Variants in CHN2 observed in about 807,000 individuals in gnomAD.
CHN2 encodes the protein beta-chimaerin.
In CHN2, 35 loss-of-function variants were observed where a neutral mutation model predicts 56.3. The ratio of observed to expected loss-of-function variants is 0.62; its 90% CI spans 0.47 to 0.82. The LOEUF is 0.82. Ranked by LOEUF, CHN2 falls within the 40% of genes least tolerant of loss-of-function variation. CHN2 has a pLI of 0.00. For synonymous variants in CHN2, 210 were observed against 212.8 expected, an observed-to-expected ratio of 0.99 and a Z score of 0.12; for missense variants, 491 against 580.5, an observed-to-expected ratio of 0.85 and a Z score of 1.58.
chr7:29,264,855 C>A (rs1194447954), intron 1 of CHN2, among the ~76,000 whole-genome samples: 10 of 138,146 alleles, frequency 7.2e-5, no homozygotes, highest in Admixed American at 7.0e-5. Context: ...TTAAAAAAGT[C>A]AATTGACTGT....
chr7:29,281,191 A>G (rs573257245), intron 1 of CHN2, among the ~76,000 whole-genome samples: 1 of 152,190 alleles, frequency 6.6e-6, no homozygotes, highest in Admixed American at 6.5e-5. Flanking sequence ...CAGAGATACC[A>G]TTTTCTTGTG....
At chr7:29,174,876 A>G (rs1283336772) in intron 2 of CHN2, among the ~76,000 whole-genome samples, 2 of 151,818 alleles carry the variant, frequency 1.3e-5, no homozygotes, top group Non-Finnish European at 2.9e-5. Flanking sequence ...AAAAAAAAAA[A>G]GAATTTTTAG....
At chr7:29,149,812 C>G (rs1793343366) in intron 2 of CHN2, among the ~76,000 whole-genome samples, 1 of 152,162 alleles carries the variant, frequency 6.6e-6, no homozygotes, top group Non-Finnish European at 1.5e-5. Context: ...CTCTCTGTGT[C>G]TTTTCACAGT....
rs145848133 is a variant in CHN2 at position 29,369,155 on chromosome 7, T to C, written c.144+1168T>C. ...AATGAGATGCACTAAATAAGGGTGT[T>C]CTCAGTGTGAATTAAGACACAAGTT... On this transcript the variant is annotated intron_variant, in intron 3 of 12. Transcript: ENST00000222792. 1.6e-3 allele frequency among the ~76,000 whole-genome samples: 243 copies of C among 152,312 alleles called. 1 individual carries two copies. Among genetic ancestry groups the C allele is most frequent in the African/African-American group, 5.7e-3 (237 of 41,566 alleles).
chr7:29,178,901 A>G lies in CHN2; in HGVS notation c.274+31941A>G, dbSNP rs538440768. Among the ~76,000 whole-genome samples the G allele has an allele frequency of 2.6e-5, 4 of 152,352 alleles. No homozygotes were observed. The East Asian group carries it at 7.7e-4, about 29-fold the overall frequency. ...AAGGTTAACTACTATGTAAAGAGTT[A>G]TTACAAACTAATAAAAAGAACACTA... On this transcript the variant is annotated intron_variant, in intron 2 of 6. Coordinates refer to the CHN2 transcript ENST00000439384.
intron 7 of CHN2, among the ~76,000 whole-genome samples, chr7:29,490,594 A>G (rs1052091333): frequency 3.9e-5 from 6 of 152,214 alleles, no homozygotes; most frequent in African/African-American, 1.4e-4. Flanking sequence ...GGTGGAAATA[A>G]GATGAAAATA....
intron 1 of CHN2, among the ~76,000 whole-genome samples, chr7:29,311,978 T>C (rs1044114007): frequency 2.6e-5 from 4 of 152,196 alleles, no homozygotes; most frequent in African/African-American, 9.7e-5. Flanking sequence ...TTAGATGACA[T>C]TTTTACTCCT....
intron 9 of CHN2, among the ~76,000 whole-genome samples, chr7:29,501,027 A>T (rs969704577): frequency 6.6e-6 from 1 of 152,200 alleles, no homozygotes; most frequent in South Asian, 2.1e-4. Context: ...CACTTTTGCC[A>T]TGTATCATAT....
At chr7:29,361,266 T>G (rs1798707722) in intron 2 of CHN2, among the ~76,000 whole-genome samples, 1 of 152,244 alleles carries the variant, frequency 6.6e-6, no homozygotes, top group Non-Finnish European at 1.5e-5. Flanking sequence ...GAGATTTTTT[T>G]CATGGATGCT....
At position 29,509,313 on chromosome 7, in the gene CHN2, C is replaced by T; in HGVS notation, c.1142C>T (p.Ala381Val). ...GTGAACTTCACAGAAATCTCCAATG[C>T]AGATGAGAGGCTGGAAGCCGTCCAT... ...KFIDAAKISN[A>V]DERLEAVHEV... The change falls in exon 12 of 13, where the codon GCA (alanine) becomes GTA (valine). Residue 381 changes from alanine (A) to valine (V), a missense_variant. By Grantham distance (64) the Ala-to-Val change is moderately conservative. Transcript: ENST00000222792. The T allele has an allele frequency of 6.2e-7, 1 of 1,613,540 alleles. No homozygotes were observed. The highest frequency in any genetic ancestry group is 2.2e-5 in the East Asian group (1 of 44,862).
At chr7:29,408,259 G>A (rs1392520349) in intron 6 of CHN2, among the ~76,000 whole-genome samples, 1 of 152,024 alleles carries the variant, frequency 6.6e-6, no homozygotes, top group Non-Finnish European at 1.5e-5. Flanking sequence ...ACCTGCCTAT[G>A]GAATCAAAGT....
intron 2 of CHN2, among the ~76,000 whole-genome samples, chr7:29,158,058 A>G (rs1794662771): frequency 2.0e-5 from 3 of 152,156 alleles, no homozygotes; most frequent in African/African-American, 7.2e-5. Flanking sequence ...AATCAAATAA[A>G]GGAGAAAAAA....
chr7:29,393,709 G>T lies in CHN2; in HGVS notation c.175G>T (p.Glu59Ter), dbSNP rs746225835. ...VENRPKYYGR[E>*]FHGIISREQA... ...AAACAGACCAAAATATTATGGAAGA[G>T]AGTATGTATTATACTATTCTTTGTT... Residue 59 changes from glutamate (E) to a stop codon, truncating the protein, a stop_gained and splice_region_variant, in exon 4 of 13, where the codon GAG becomes TAG. Coordinates refer to ENST00000222792, the MANE Select transcript of CHN2 (RefSeq NM_004067.4). LOFTEE classifies it high-confidence loss of function. 4.6e-6 allele frequency: 4 copies of T among 861,374 alleles called. No homozygotes were observed. The highest frequency in any genetic ancestry group is 5.2e-6 in the Non-Finnish European group (3 of 577,618). 53.4% of individuals were successfully genotyped at this position (861,374 alleles called of 1,614,324 possible).
intron 1 of CHN2, among the ~76,000 whole-genome samples, chr7:29,217,141 G>A (rs1254983365): frequency 2.0e-5 from 3 of 152,210 alleles, no homozygotes; most frequent in African/African-American, 7.2e-5. Context: ...GATTTGACCA[G>A]CTATACTGAC....
chr7:29,472,281 A>ACACACACACACACACACGCACACACACG (rs1786142773), intron 6 of CHN2, among the ~76,000 whole-genome samples: 2 of 143,502 alleles, frequency 1.4e-5, no homozygotes, highest in Non-Finnish European at 1.5e-5. Flanking sequence ...ATACACACAC[A>ACACACACACACACACACGCACACACACG]CACACACACA....
At chr7:29,479,907 A>C (rs1427197309) in intron 6 of CHN2, 15 of 1,426,414 alleles carry the variant, frequency 1.1e-5, no homozygotes, top group Non-Finnish European at 1.2e-5. Context: ...GAAATAGCAC[A>C]AAACAGGCCC....
intron 1 of CHN2, among the ~76,000 whole-genome samples, chr7:29,228,979 C>T (rs766365634): frequency 1.3e-5 from 2 of 152,230 alleles, no homozygotes; most frequent in Admixed American, 6.5e-5. Context: ...GTGACATGCT[C>T]TCCTTTCTGG....
intron 7 of CHN2, among the ~76,000 whole-genome samples, chr7:29,494,967 A>AAATAAAAAT (rs1554303628): frequency 6.7e-6 from 1 of 150,336 alleles, no homozygotes; most frequent in African/African-American, 2.4e-5. Context: ...AAAAAAAAAA[A>AAATAAAAAT]AAAAAAAAAA....
At chr7:29,219,919 C>T (rs1373358830) in intron 1 of CHN2, among the ~76,000 whole-genome samples, 76 of 151,838 alleles carry the variant, frequency 5.0e-4, no homozygotes, top group Admixed American at 4.8e-3. Flanking sequence ...ACTAAAAATA[C>T]AAAAAATTAG....
Sources: gnomAD v4.1 joint callset for allele counts (sites outside exome capture counted in the v4.1 genomes callset) on GRCh38, gnomAD v4.1.1 for gene constraint, MANE v1.5 for transcripts, NCBI Gene and HGNC (gene_info 2026-07-23, HGNC 2026-07-21) for gene names.